CADPS: variants seen among roughly 807,000 people sequenced by gnomAD.
CADPS encodes the protein calcium dependent secretion activator.
A neutral mutation model predicts 167.3 loss-of-function variants in CADPS; 57 were observed. That is an observed-to-expected ratio of 0.34 (90% CI 0.28 to 0.42). CADPS has a LOEUF of 0.42. Among genes scored for constraint, CADPS ranks in the 20% least tolerant of loss-of-function variants. CADPS has a pLI of 1.00. For missense variants in CADPS, 1,414 were observed against 1,738.1 expected (o/e 0.81, Z 3.32); for synonymous variants, 676 against 635.3 (o/e 1.06, Z -0.96).
At chr3:62,443,333 T>C (rs571257580) in intron 27 of CADPS, among the ~76,000 whole-genome samples, 1 of 152,320 alleles carries the variant, frequency 6.6e-6, no homozygotes, top group South Asian at 2.1e-4. Flanking sequence ...GTAGCAGTAA[T>C]AGTAGTTATT....
At chr3:62,873,852 C>A (rs1466636240) in intron 1 of CADPS, among the ~76,000 whole-genome samples, 6 of 152,074 alleles carry the variant, frequency 3.9e-5, no homozygotes, top group African/African-American at 1.4e-4. Flanking sequence ...CTGACCCGGA[C>A]GGAAGGACCA....
At chr3:62,542,979 A>G (rs1413731644) in intron 11 of CADPS, among the ~76,000 whole-genome samples, 4 of 152,172 alleles carry the variant, frequency 2.6e-5, no homozygotes, top group African/African-American at 9.7e-5. Flanking sequence ...CTGATTAATA[A>G]TCTTACTATA....
chr3:62,774,215 C>T lies in CADPS; in HGVS notation c.442-8231G>A, dbSNP rs528603115. Among the ~76,000 whole-genome samples, 85 of 152,158 alleles carry T rather than the reference C, an allele frequency of 5.6e-4. 1 individual carries two copies. The South Asian group carries it at 0.011, about 20-fold the overall frequency. On this transcript the variant is annotated intron_variant, in intron 1 of 29. Transcript: ENST00000383710. ...AAGGAGAAGGAGGTCTACTTTTCAC[C>T]CTTCCGGCCACAAAGCTCTTAAAAG...
At position 62,651,044 on chromosome 3, in the gene CADPS, C is replaced by T. The variant is rs1436419611; in HGVS notation, c.1006G>A (p.Glu336Lys). 2 of 1,613,952 alleles carry T rather than the reference C, an allele frequency of 1.2e-6. No homozygotes were observed. Among genetic ancestry groups the T allele is most frequent in the Admixed American group, 1.7e-5 (1 of 60,004 alleles). Reference protein sequence around the residue: ...KFPKFVSKEMENMYIEELKSS... With the variant: ...KFPKFVSKEMKNMYIEELKSS... Reference sequence around the variant, plus strand: ...TTCAGCTCCTCAATGTACATGTTTTCCATTTCTTTGGATACAAACTTGGGA... The same window carrying T: ...TTCAGCTCCTCAATGTACATGTTTTTCATTTCTTTGGATACAAACTTGGGA... Residue 336 changes from glutamate (E) to lysine (K), a missense_variant, in exon 5 of 30, where the codon GAA (glutamate) becomes AAA (lysine). Transcript: ENST00000383710.
chr3:62,546,571 T>C (rs1363788337), intron 11 of CADPS, among the ~76,000 whole-genome samples: 2 of 152,306 alleles, frequency 1.3e-5, no homozygotes, highest in African/African-American at 2.4e-5. Context: ...CTAACAATTA[T>C]GCAGTCAGCT....
At chr3:62,776,363 A>G (rs917389155) in intron 1 of CADPS, among the ~76,000 whole-genome samples, 4 of 152,220 alleles carry the variant, frequency 2.6e-5, no homozygotes, top group African/African-American at 9.6e-5. Flanking sequence ...GTTTAAGAAC[A>G]TGCAGAATTG....
intron 21 of CADPS, among the ~76,000 whole-genome samples, chr3:62,489,460 G>A (rs934616736): frequency 5.9e-5 from 9 of 152,238 alleles, no homozygotes; most frequent in Middle Eastern, 6.8e-3. Context: ...GCACCCGGCC[G>A]TGTTTGACTT....
At chr3:62,587,401 T>G (rs1479308740) in intron 7 of CADPS, among the ~76,000 whole-genome samples, 1 of 152,200 alleles carries the variant, frequency 6.6e-6, no homozygotes, top group Non-Finnish European at 1.5e-5. Flanking sequence ...CCCTGTATCA[T>G]GTACCACATC....
intron 1 of CADPS, among the ~76,000 whole-genome samples, chr3:62,852,478 C>T (rs1577342090): frequency 6.6e-6 from 1 of 152,218 alleles, no homozygotes; most frequent in Non-Finnish European, 1.5e-5. Context: ...CTTTCATTTT[C>T]CTTTGCCCGG....
chr3:62,462,352 T>C (rs958701070), intron 26 of CADPS, among the ~76,000 whole-genome samples: 20 of 152,192 alleles, frequency 1.3e-4, no homozygotes, highest in Non-Finnish European at 2.9e-4. Context: ...TCCCTCCAGC[T>C]CCTCTCCAAG....
chr3:62,512,690 A>G (rs2068098734), intron 17 of CADPS, 61 bp downstream of exon 17: 1 of 1,420,186 alleles, frequency 7.0e-7, no homozygotes, highest in African/African-American at 1.4e-5. Context: ...AAAAACAAAA[A>G]CAAAAACTGA....
intron 13 of CADPS, among the ~76,000 whole-genome samples, chr3:62,529,311 C>T (rs528850971): frequency 6.6e-6 from 1 of 152,090 alleles, no homozygotes; most frequent in African/African-American, 2.4e-5. Context: ...AGTCAAGATC[C>T]CTTTAGTTAG....
intron 1 of CADPS, among the ~76,000 whole-genome samples, chr3:62,856,157 TAG>T (rs763173289): frequency 1.3e-5 from 2 of 152,136 alleles, no homozygotes; most frequent in African/African-American, 2.4e-5. Flanking sequence ...TCAGGTGTAT[TAG>T]AGAGTAGTCC....
intron 3 of CADPS, among the ~76,000 whole-genome samples, chr3:62,717,594 C>T (rs1294187710): frequency 6.6e-6 from 1 of 152,128 alleles, no homozygotes; most frequent in Non-Finnish European, 1.5e-5. Flanking sequence ...GTTGAGCATT[C>T]TTATTGGCCT....
chr3:62,444,324 C>T lies in CADPS; in HGVS notation c.3669+1441G>A, dbSNP rs547782205. 8.5e-5 allele frequency among the ~76,000 whole-genome samples: 13 copies of T among 152,352 alleles called. No homozygotes were observed. The South Asian group carries it at 2.3e-3, about 27-fold the overall frequency. Reference sequence around the variant, plus strand: ...TGTGGACATCACACTACCACCACCACGTGTGTCCTTCTCCTGGACTGAAAT... The same window carrying T: ...TGTGGACATCACACTACCACCACCATGTGTGTCCTTCTCCTGGACTGAAAT... On this transcript the variant is annotated intron_variant, in intron 27 of 29. Transcript: ENST00000383710.
At position 62,399,500 on chromosome 3, in the gene CADPS, G is replaced by T; in HGVS notation, c.3968C>A (p.Thr1323Asn). 6.2e-7 allele frequency: 1 copy of T among 1,614,168 alleles called. No individual in the cohort carries two copies. The highest frequency in any genetic ancestry group is 8.5e-7 in the Non-Finnish European group (1 of 1,179,992). Residue 1323 changes from threonine to asparagine, a missense_variant, in exon 30 of 30, where the codon ACT becomes AAT. Thr to Asn is a moderately conservative substitution (Grantham distance 65). Coordinates refer to ENST00000383710, the MANE Select transcript of CADPS (RefSeq NM_003716.4). This position sits in a 1 kb window ranked among gnomAD's most constrained non-coding sequence, Gnocchi z 5.6. ...CACTGATGCTGTGGCTTCCTCCACA[G>T]TGAGACGGTTCCGGATCGTTTCATA... The part of the protein sequence containing the change: ...KTYETIRNRL[T>N]VEEATASVSE...
rs1301163263 is a variant in CADPS, at chr3:62,753,848, T to C, written c.556-75A>G. ...GTACCAGTTCCCTGGGGCTGGACAC[T>C]GGGCCAGTCCACCTCACGTGCATCC... On this transcript the variant is annotated intron_variant, in intron 2 of 29. Coordinates refer to ENST00000383710, the MANE Select transcript of CADPS (RefSeq NM_003716.4). The surrounding 1 kb of genome is among the most constrained non-coding windows in gnomAD (Gnocchi z 4.6). 1 of 1,388,418 alleles carries C rather than the reference T, an allele frequency of 7.2e-7. No homozygotes were observed. Among genetic ancestry groups the C allele is most frequent in the South Asian group, 1.4e-5 (1 of 72,226 alleles). 86.0% of individuals were successfully genotyped at this position (1,388,418 alleles called of 1,614,324 possible).
At chr3:62,693,596 A>G (rs2079624173) in intron 3 of CADPS, among the ~76,000 whole-genome samples, 1 of 151,954 alleles carries the variant, frequency 6.6e-6, no homozygotes, top group Non-Finnish European at 1.5e-5. Context: ...AACCTGGGCA[A>G]TATGGTGAAA....
intron 28 of CADPS, among the ~76,000 whole-genome samples, chr3:62,436,991 A>G (rs1471300701): frequency 6.6e-6 from 1 of 151,992 alleles, no homozygotes; most frequent in African/African-American, 2.4e-5. Flanking sequence ...TTAGCTGTGG[A>G]ACAAAAACAC....
Sources: allele counts gnomAD v4.1 joint callset (sites outside exome capture counted in the v4.1 genomes callset), GRCh38; gene constraint gnomAD v4.1.1; non-coding constraint Gnocchi (gnomAD v3.1); transcripts MANE v1.5; gene names NCBI Gene and HGNC (gene_info 2026-07-23, HGNC 2026-07-21).